DPEP2: variants seen among roughly 807,000 people sequenced by gnomAD.
DPEP2 encodes dipeptidase 2.
A neutral mutation model predicts 51.8 loss-of-function variants in DPEP2; 45 were observed. The ratio of observed to expected loss-of-function variants is 0.87; its 90% CI spans 0.68 to 1.11. DPEP2 has a LOEUF of 1.11. Ranked by LOEUF, DPEP2 falls within the 50% of genes most tolerant of loss-of-function variation. DPEP2 has a pLI of 0.00. For missense variants in DPEP2, 604 were observed against 631.9 expected, an observed-to-expected ratio of 0.96 and a Z score of 0.47; for synonymous variants, 255 against 262.7, an observed-to-expected ratio of 0.97 and a Z score of 0.28.
chr16:67,994,091 C>T (rs1006400467), intron 1 of DPEP2: 2 of 985,364 alleles, frequency 2.0e-6, no homozygotes, highest in African/African-American at 3.5e-5. Flanking sequence ...AGCAGGAACC[C>T]ACACAGCCAT....
In DPEP2 at chr16:67,987,609, GT is replaced by G. The variant is rs773365659; in HGVS notation, c.1357del (p.Thr453GlnfsTer66). The G allele has an allele frequency of 6.2e-7, 1 of 1,614,194 alleles. No homozygotes were observed. The highest frequency in any genetic ancestry group is 8.5e-7 in the Non-Finnish European group (1 of 1,180,040). ...TGACCACTTGGCTGGTAACTTGGCT[GT>G]CCAGTGTATGGGAATCTCAGTGAGT... ...QELTEIPIHW[T>X]AKLPAKWSVS... On this transcript the variant is annotated frameshift_variant, in exon 11 of 11. Transcript: ENST00000393847. LOFTEE classifies it high-confidence loss of function.
At chr16:67,993,389 G>C in intron 1 of DPEP2, 132 bp from the exon 2 acceptor site, 1 of 1,291,566 alleles carries the variant, frequency 7.7e-7, no homozygotes, top group Non-Finnish European at 9.8e-7. Context: ...GGAGAGCGGC[G>C]GCACCGCCCA....
intron 9 of DPEP2, 33 bp from the exon 10 acceptor site, chr16:67,988,020 T>C (rs2031625591): frequency 1.9e-6 from 3 of 1,613,594 alleles, no homozygotes; most frequent in South Asian, 2.2e-5. Flanking sequence ...GTTTCAGACC[T>C]GATTCCCTGA....
intron 3 of DPEP2, 74 bp from the exon 4 acceptor site, chr16:67,992,267 G>T: frequency 6.4e-7 from 1 of 1,557,890 alleles, no homozygotes; most frequent in Non-Finnish European, 8.7e-7. Flanking sequence ...AGCCTCCACA[G>T]CTGACAGAGC....
In DPEP2 at chr16:67,987,676, A is replaced by G. The variant is rs1226646459; in HGVS notation, c.1291T>C (p.Ser431Pro). Residue 431 changes from serine to proline, a missense_variant, in exon 11 of 11, where the codon TCA (serine) becomes CCA (proline). Physicochemically the swap from Ser to Pro is moderately conservative, Grantham distance 74 (BLOSUM62 -1). Transcript: ENST00000393847. ...QLSSSCHSDL[S>P]RLRQRQSLTS... is the part of the protein sequence containing the mutation. Reference sequence around the variant, plus strand: ...AGACTCTGTCTCTGACGCAGACGTGAGAGGTCGGAGTGGCAGGAACTGCTC... The same window carrying G: ...AGACTCTGTCTCTGACGCAGACGTGGGAGGTCGGAGTGGCAGGAACTGCTC... The G allele has an allele frequency of 5.0e-6, 8 of 1,614,198 alleles. No individual in the cohort carries two copies. Among genetic ancestry groups the G allele is most frequent in the Non-Finnish European group, 6.8e-6 (8 of 1,180,028 alleles).
chr16:67,988,229 C>T (rs1399830878), intron 9 of DPEP2, among the ~76,000 whole-genome samples: 1 of 150,406 alleles, frequency 6.6e-6, no homozygotes, highest in Non-Finnish European at 1.5e-5. Context: ...TGCAAATGAT[C>T]CCCCCTACCA....
rs1598250966 is a variant in DPEP2, at chr16:67,987,468, G to A, written c.*38C>T. Reference sequence around the variant, plus strand: ...AGGGGAACTTTGTGGGGTGTCTGTGGCTTGCTACAGTGACATCTGGCAGGA... The same window carrying A: ...AGGGGAACTTTGTGGGGTGTCTGTGACTTGCTACAGTGACATCTGGCAGGA... On this transcript the variant is annotated 3_prime_UTR_variant, in exon 11 of 11. Coordinates refer to ENST00000393847, the MANE Select transcript of DPEP2 (RefSeq NM_022355.4). 11 of 1,583,588 alleles carry A rather than the reference G, an allele frequency of 6.9e-6. No individual in the cohort carries two copies. The highest frequency in any genetic ancestry group is 9.5e-6 in the Non-Finnish European group (11 of 1,158,378).
Position 67,991,282 on chromosome 16 carries a change from C to T in DPEP2, c.663-98G>A. The T allele has an allele frequency of 1.6e-6, 2 of 1,253,276 alleles. No homozygotes were observed. The highest frequency in any genetic ancestry group is 2.5e-5 in the East Asian group (1 of 39,720). The allele number at this position is 1,253,276 out of a possible 1,614,324, so 77.6% of individuals were successfully genotyped here. ...CCTCCATCCCTGCACCCCCCTGAAA[C>T]AAAAACAGGGATCCAAAATGGGCCC... On this transcript the variant is annotated intron_variant, in intron 5 of 10. Coordinates refer to ENST00000393847, the MANE Select transcript of DPEP2 (RefSeq NM_022355.4). This position sits in a 1 kb window ranked among gnomAD's most constrained non-coding sequence, Gnocchi z 5.1.
At chr16:67,990,648 G>C (rs1436116313) in intron 7 of DPEP2, among the ~76,000 whole-genome samples, 173 bp downstream of exon 7, 1 of 152,148 alleles carries the variant, frequency 6.6e-6, no homozygotes, top group East Asian at 1.9e-4. Flanking sequence ...ATTTTTAGTA[G>C]AGACGGGGTT....
At chr16:67,994,974 C>T in intron 1 of DPEP2, 1 of 822,720 alleles carries the variant, frequency 1.2e-6, no homozygotes, top group South Asian at 5.6e-5. Flanking sequence ...AATCTTGGCT[C>T]ACTGCAATCT....
chr16:67,989,483 T>A, intron 8 of DPEP2, 85 bp from the exon 9 acceptor site: 1 of 1,416,474 alleles, frequency 7.1e-7, no homozygotes. Flanking sequence ...TGAGTCTCCT[T>A]CTTGCAGCCT....
chr16:67,988,016 GACCTGATTC>G (rs771018283), intron 9 of DPEP2, 29 bp from the exon 10 acceptor site: 28 of 1,613,790 alleles, frequency 1.7e-5, no homozygotes, highest in Non-Finnish European at 2.3e-5. Flanking sequence ...GTGGGTTTCA[GACCTGATTC>G]CCTGATCATG....
At chr16:67,999,760 G>GA (rs1008793485), upstream of DPEP2, 22 of 148,764 alleles carry the variant, frequency 1.5e-4, no homozygotes, top group South Asian at 4.3e-4. Flanking sequence ...TAAGAAAAAG[G>GA]AAAAAAAAAA....
chr16:67,988,396 AGAAAGAAAGAAAGAAAGGAAAGAAAG>A (rs1444940503), intron 9 of DPEP2, among the ~76,000 whole-genome samples: 1 of 149,124 alleles, frequency 6.7e-6, no homozygotes, highest in African/African-American at 2.6e-5. Flanking sequence ...AAGACAAAAA[AGAAAGAAAGAAAGAAAGGAAAGAAAG>A]GAAAGAAAGA....
rs1244024705 is a variant in DPEP2, at chr16:67,992,532, C to T, written c.368G>A (p.Arg123Lys). The T allele has an allele frequency of 1.9e-6, 3 of 1,613,988 alleles. No individual in the cohort carries two copies. Among genetic ancestry groups the T allele is most frequent in the Non-Finnish European group, 2.5e-6 (3 of 1,179,892 alleles). ...SYGQTSLDRL[R>K]DGLVGAQFWS... Reference sequence around the variant, plus strand: ...TACCTGGGCGCCCACGAGGCCATCTCTAAGCCTGTCCAGGCTGGTCTGGCC... The same window carrying T: ...TACCTGGGCGCCCACGAGGCCATCTTTAAGCCTGTCCAGGCTGGTCTGGCC... Residue 123 changes from arginine to lysine, a missense_variant, in exon 3 of 11, where the codon AGA becomes AAA. Coordinates refer to ENST00000393847, the MANE Select transcript of DPEP2 (RefSeq NM_022355.4).
upstream of DPEP2, among the ~76,000 whole-genome samples, chr16:67,999,936 C>T (rs1051109276): frequency 6.6e-6 from 1 of 152,138 alleles, no homozygotes; most frequent in African/African-American, 2.4e-5. Flanking sequence ...TCCAATGCAT[C>T]CTCCTGCCTG....
chr16:67,987,858 CACTTGTCTGAAG>C lies in DPEP2; in HGVS notation c.1188_1199del (p.Phe397_Val400del). 6.2e-7 allele frequency: 1 copy of C among 1,614,198 alleles called. No homozygotes were observed. Among genetic ancestry groups the C allele is most frequent in the Non-Finnish European group, 8.5e-7 (1 of 1,180,044 alleles). ...CTTGCCCAGCCCAGAGTACCTTTTC[CACTTGTCTGAAG>C]ACCCGCAGCAGGTTTCCACGAAGGA... On this transcript the variant is annotated inframe_deletion, in exon 10 of 11. Coordinates refer to ENST00000393847, the MANE Select transcript of DPEP2 (RefSeq NM_022355.4).
rs1035716728 is a variant in DPEP2 at position 67,996,456 on chromosome 16, A to G, written c.-46+2919T>C. Reference sequence around the variant, plus strand: ...GCGGGCAATGATGTGATCTTGGCTCACTGCAACCTCCACCTCCTGGGTTCA... The same window carrying G: ...GCGGGCAATGATGTGATCTTGGCTCGCTGCAACCTCCACCTCCTGGGTTCA... On this transcript the variant is annotated intron_variant, in intron 1 of 10. Transcript: ENST00000393847. 4.0e-5 allele frequency among the ~76,000 whole-genome samples: 6 copies of G among 151,856 alleles called. No individual in the cohort carries two copies. The South Asian group carries it at 1.2e-3, about 32-fold the overall frequency.
chr16:67,995,553 G>A (rs1341607235), intron 1 of DPEP2, among the ~76,000 whole-genome samples: 1 of 152,184 alleles, frequency 6.6e-6, no homozygotes, highest in African/African-American at 2.4e-5. Flanking sequence ...TGGATTTGCT[G>A]GTCTCCAGGT....
Sources: allele counts gnomAD v4.1 joint callset (sites outside exome capture counted in the v4.1 genomes callset), GRCh38; gene constraint gnomAD v4.1.1; non-coding constraint Gnocchi (gnomAD v3.1); transcripts MANE v1.5; gene names NCBI Gene and HGNC (gene_info 2026-07-23, HGNC 2026-07-21).